The following GXYLT1 variants were observed in gnomAD, a reference collection of about 807,000 sequenced individuals.
GXYLT1 encodes the protein glucoside xylosyltransferase 1, also known as glycosyltransferase 8 domain containing 3.
In GXYLT1, 29 loss-of-function variants were observed where a neutral mutation model predicts 54.0. The ratio of observed to expected loss-of-function variants is 0.54; its 90% CI spans 0.40 to 0.73. The LOEUF (loss-of-function observed/expected upper bound fraction) is 0.73, where lower values mean the gene tolerates loss of function less well. Among genes scored for constraint, GXYLT1 ranks in the 30% least tolerant of loss-of-function variants. GXYLT1 has a pLI of 0.00. For synonymous variants in GXYLT1, 176 were observed against 204.1 expected, an observed-to-expected ratio of 0.86 and a Z score of 1.17; for missense variants, 490 against 553.4, an observed-to-expected ratio of 0.89 and a Z score of 1.15.
chr12:42,126,744 G>A (rs1408020062), intron 2 of GXYLT1, among the ~76,000 whole-genome samples: 5 of 152,016 alleles, frequency 3.3e-5, no homozygotes, highest in Non-Finnish European at 5.9e-5. Context: ...ACAGCTGGGC[G>A]CAGTGGCAGA....
intron 7 of GXYLT1, 92 bp downstream of exon 7, chr12:42,097,350 G>T: frequency 1.0e-6 from 1 of 977,862 alleles, no homozygotes; most frequent in Non-Finnish European, 1.5e-6. Flanking sequence ...CTGAGTGTGT[G>T]TAAAAATTCT....
chr12:42,116,185 A>C (rs1218156088), intron 3 of GXYLT1, among the ~76,000 whole-genome samples: 1 of 151,992 alleles, frequency 6.6e-6, no homozygotes, highest in African/African-American at 2.4e-5. Context: ...CCCTAGAAGA[A>C]AACCTAGGCA....
chr12:42,125,243 C>T (rs1592121489), intron 2 of GXYLT1, among the ~76,000 whole-genome samples: 2 of 152,082 alleles, frequency 1.3e-5, no homozygotes, highest in African/African-American at 4.8e-5. Context: ...GGAGAAAGTC[C>T]GTTGTAAACA....
rs372123717 is a variant in GXYLT1, at chr12:42,097,935, C to G, written c.963G>C (p.Leu321Phe). 6 of 1,597,208 alleles carry G rather than the reference C, an allele frequency of 3.8e-6. No homozygotes were observed. Among genetic ancestry groups the G allele is most frequent in the Non-Finnish European group, 3.4e-6 (4 of 1,168,702 alleles). Reference sequence around the variant, plus strand: ...CTGGATTATGAAAAAACACGATATTCAATAGATCTTGATCACCCCATGTGA... The same window carrying G: ...CTGGATTATGAAAAAACACGATATTGAATAGATCTTGATCACCCCATGTGA... ...LNITWGDQDL[L>F]NIVFFHNPES... is the part of the protein sequence containing the mutation. The change falls in exon 6 of 8, where the codon TTG becomes TTC. Residue 321 changes from leucine to phenylalanine, a missense_variant. Coordinates refer to ENST00000398675, the MANE Select transcript of GXYLT1 (RefSeq NM_173601.2).
chr12:42,127,584 G>A (rs1271415143), intron 2 of GXYLT1, among the ~76,000 whole-genome samples: 1 of 152,128 alleles, frequency 6.6e-6, no homozygotes, highest in Admixed American at 6.5e-5. Context: ...CCAGGATTCC[G>A]ACTAGGTAAA....
chr12:42,108,614 GAA>G (rs1484185621), intron 4 of GXYLT1, among the ~76,000 whole-genome samples: 2 of 151,998 alleles, frequency 1.3e-5, no homozygotes, highest in African/African-American at 4.8e-5. Context: ...CAATGGAAGA[GAA>G]GAGAAAGATC....
intron 2 of GXYLT1, among the ~76,000 whole-genome samples, chr12:42,126,659 G>A (rs957043145): frequency 3.3e-5 from 5 of 152,076 alleles, no homozygotes; most frequent in South Asian, 2.1e-4. Flanking sequence ...TTGGGAGGCC[G>A]AGGCGGCCAG....
In GXYLT1 at chr12:42,105,924, A is replaced by G; in HGVS notation, c.758T>C (p.Ile253Thr). The G allele has an allele frequency of 6.2e-7, 1 of 1,614,106 alleles. No individual in the cohort carries two copies. The highest frequency in any genetic ancestry group is 8.5e-7 in the Non-Finnish European group (1 of 1,179,958). ...AMAPEHEEPR[I>T]GWYNRFARHP... ...CCTAGCAAAGCGATTATACCATCCT[A>G]TTCGAGGTTCCTCATGTTCTGGTGC... Residue 253 changes from isoleucine (I) to threonine (T), a missense_variant, in exon 5 of 8, where the codon ATA becomes ACA. Ile to Thr is a moderately conservative substitution (Grantham distance 89, BLOSUM62 -1). This residue lies in a region of GXYLT1 where 342 missense variants were observed against 342.6 expected (regional missense o/e 1.00). Coordinates refer to ENST00000398675, the MANE Select transcript of GXYLT1 (RefSeq NM_173601.2).
At chr12:42,104,557 T>A (rs2065408456) in intron 5 of GXYLT1, among the ~76,000 whole-genome samples, 2 of 145,574 alleles carry the variant, frequency 1.4e-5, no homozygotes, top group Admixed American at 6.8e-5. Flanking sequence ...AAGGGAAAGC[T>A]AAAAAAAAAA....
chr12:42,087,167 T>C lies in GXYLT1; in HGVS notation c.*619A>G, dbSNP rs2065298676. 1 of 146,442 alleles carries C rather than the reference T, an allele frequency of 6.8e-6. No homozygotes were observed. The highest frequency in any genetic ancestry group is 1.5e-5 in the Non-Finnish European group (1 of 66,406). The allele number at this position is 146,442 out of a possible 1,614,324, so 9.1% of individuals were successfully genotyped here. A position where few individuals can be genotyped will look rare whatever the true frequency, so the allele number is the denominator to read the frequency against. On this transcript the variant is annotated 3_prime_UTR_variant, in exon 8 of 8. Coordinates refer to ENST00000398675, the MANE Select transcript of GXYLT1 (RefSeq NM_173601.2). ...ATTAAAATCCCAAAGTTTTCACTATTTTTCCTCTACCTTACACAGCTCAAT... is the reference window on the plus strand; with the variant it reads ...ATTAAAATCCCAAAGTTTTCACTATCTTTCCTCTACCTTACACAGCTCAAT...
In GXYLT1 at chr12:42,109,706, A is replaced by AC. The variant is rs773102992; in HGVS notation, c.487-16_487-15insG. On this transcript the variant is annotated splice_polypyrimidine_tract_variant and intron_variant, in intron 3 of 7. Transcript: ENST00000398675. ...CAGTTGTCAAGCTAAAACAATTTAA[A>AC]AAAAAACTGTTTAGTTTCACTCTGA... 3 of 1,443,016 alleles carry AC rather than the reference A, an allele frequency of 2.1e-6. No individual in the cohort carries two copies. Among genetic ancestry groups the AC allele is most frequent in the Non-Finnish European group, 2.9e-6 (3 of 1,052,198 alleles). The allele number at this position is 1,443,016 out of a possible 1,614,324, so 89.4% of individuals were successfully genotyped here. A position where few individuals can be genotyped will look rare whatever the true frequency, so the allele number is the denominator to read the frequency against.
At chr12:42,112,613 C>T (rs2065465414) in intron 3 of GXYLT1, among the ~76,000 whole-genome samples, 1 of 152,148 alleles carries the variant, frequency 6.6e-6, no homozygotes, top group Admixed American at 6.5e-5. Flanking sequence ...AAGAAACGAA[C>T]ACAGCCTCCA....
At position 42,123,137 on chromosome 12, in the gene GXYLT1, G is replaced by A. The variant is rs550201563; in HGVS notation, c.315-3966C>T. 1.2e-4 allele frequency among the ~76,000 whole-genome samples: 19 copies of A among 152,262 alleles called. No individual in the cohort carries two copies. The East Asian group carries it at 1.9e-3, about 15-fold the overall frequency. ...AATAAAGGAGACTAACTCAACCTGA[G>A]TTGAATGCAATGTATGGTCCTTGAC... On this transcript the variant is annotated intron_variant, in intron 2 of 7. Coordinates refer to ENST00000398675, the MANE Select transcript of GXYLT1 (RefSeq NM_173601.2).
chr12:42,098,194 G>C (rs2065368022), intron 5 of GXYLT1, among the ~76,000 whole-genome samples, 161 bp from the exon 6 acceptor site: 2 of 152,120 alleles, frequency 1.3e-5, no homozygotes, highest in Non-Finnish European at 2.9e-5. Flanking sequence ...AATGTGAGAA[G>C]GGCTGTACAG....
At position 42,116,851 on chromosome 12, in the gene GXYLT1, C is replaced by T. The variant is rs183785397; in HGVS notation, c.486+2149G>A. On this transcript the variant is annotated intron_variant, in intron 3 of 7. Coordinates refer to ENST00000398675, the MANE Select transcript of GXYLT1 (RefSeq NM_173601.2). Reference sequence around the variant, plus strand: ...CATGTATGTTTATTGTGGCACTATTCACAATAGCAAAGACTTGGAACCAAC... The same window carrying T: ...CATGTATGTTTATTGTGGCACTATTTACAATAGCAAAGACTTGGAACCAAC... Among the ~76,000 whole-genome samples, 847 of 152,258 alleles carry T rather than the reference C, an allele frequency of 5.6e-3. 6 individuals carry two copies. Among genetic ancestry groups the T allele is most frequent in the African/African-American group, 0.019 (807 of 41,532 alleles).
At chr12:42,120,444 CAGGCTTA>C (rs1322452699) in intron 2 of GXYLT1, among the ~76,000 whole-genome samples, 2 of 152,230 alleles carry the variant, frequency 1.3e-5, no homozygotes, top group African/African-American at 4.8e-5. Context: ...TGGATACCAA[CAGGCTTA>C]AGTAACTTTT....
chr12:42,091,292 T>A lies in GXYLT1; in HGVS notation c.1162-3345A>T, dbSNP rs1432075887. Among the ~76,000 whole-genome samples, 5 of 152,172 alleles carry A rather than the reference T, an allele frequency of 3.3e-5. No homozygotes were observed. In the East Asian group the frequency reaches 7.7e-4, roughly 23 times the overall value. On this transcript the variant is annotated intron_variant, in intron 7 of 7. Transcript: ENST00000398675. ...GAAATCCTTTTAAAAATAAGATTTT[T>A]TTAAAAAAAAATCAAGTGTAATTAA... is the stretch of plus-strand genomic sequence containing the variant.
chr12:42,111,519 G>A (rs1565572370), intron 3 of GXYLT1, among the ~76,000 whole-genome samples: 1 of 152,238 alleles, frequency 6.6e-6, no homozygotes, highest in Non-Finnish European at 1.5e-5. Context: ...TGCCCACGGA[G>A]TCTGGCTCAC....
intron 4 of GXYLT1, 77 bp downstream of exon 4, chr12:42,109,489 T>C (rs2065439191): frequency 1.0e-6 from 1 of 999,678 alleles, no homozygotes; most frequent in South Asian, 3.0e-5. Context: ...ATGTAACTCT[T>C]CAGAGACTCA....
Sources: allele counts gnomAD v4.1 joint callset (sites outside exome capture counted in the v4.1 genomes callset), GRCh38; gene constraint gnomAD v4.1.1; regional missense constraint gnomAD v4.1.1; transcripts MANE v1.5; gene names NCBI Gene and HGNC (gene_info 2026-07-23, HGNC 2026-07-21).